ZFHX3: variants seen among roughly 807,000 people sequenced by gnomAD.
ZFHX3 encodes the protein zinc finger homeobox 3.
Under a neutral mutation model 279.1 loss-of-function variants are expected in ZFHX3, and 42 were observed. That is an observed-to-expected ratio of 0.15 (90% CI 0.12 to 0.19). ZFHX3 has a LOEUF of 0.19. Among genes scored for constraint, ZFHX3 ranks in the 10% least tolerant of loss-of-function variants. ZFHX3 has a pLI of 1.00. For synonymous variants in ZFHX3, 2,293 were observed against 1,957.8 expected (o/e 1.17, Z -4.52); for missense variants, 4,981 against 4,754.0 (o/e 1.05, Z -1.40).
intron 4 of ZFHX3, among the ~76,000 whole-genome samples, chr16:73,316,754 C>A (rs62057260): frequency 0.063 from 9,566 of 152,196 alleles, 405 homozygotes; most frequent in Non-Finnish European, 0.095. Context: ...ATACTTAGGC[C>A]TTCACATTCA....
chr16:73,111,374 G>C (rs1163420596), intron 7 of ZFHX3, among the ~76,000 whole-genome samples: 1 of 152,174 alleles, frequency 6.6e-6, no homozygotes, highest in Non-Finnish European at 1.5e-5. Flanking sequence ...TGCCAGCTTA[G>C]GGGAAGCAGC....
chr16:72,954,593 T>C (rs1220604380), intron 2 of ZFHX3, among the ~76,000 whole-genome samples: 1 of 152,170 alleles, frequency 6.6e-6, no homozygotes, highest in Non-Finnish European at 1.5e-5. Context: ...TGCTAAACCT[T>C]GTGCAGGTGT....
intron 2 of ZFHX3, among the ~76,000 whole-genome samples, chr16:73,613,534 G>A (rs2052268778): frequency 6.6e-6 from 1 of 151,956 alleles, no homozygotes. Flanking sequence ...GTTTCTAGAA[G>A]CAGGATGGTT....
At chr16:73,179,825 G>A (rs554455649) in intron 5 of ZFHX3, among the ~76,000 whole-genome samples, 10 of 152,234 alleles carry the variant, frequency 6.6e-5, no homozygotes, top group African/African-American at 1.4e-4. Context: ...GGGTTGCGCC[G>A]TGACTGGTTA....
intron 3 of ZFHX3, among the ~76,000 whole-genome samples, chr16:73,343,101 T>C (rs1597293035): frequency 6.6e-6 from 1 of 152,256 alleles, no homozygotes; most frequent in African/African-American, 2.4e-5. Context: ...GCTAGGTATC[T>C]AGTTTCTTTT....
chr16:73,230,212 T>C (rs577573724), intron 5 of ZFHX3, among the ~76,000 whole-genome samples: 1 of 152,290 alleles, frequency 6.6e-6, no homozygotes, highest in African/African-American at 2.4e-5. Context: ...TGCTAGAGAT[T>C]GATGAATGCA....
intron 5 of ZFHX3, among the ~76,000 whole-genome samples, chr16:73,151,751 T>A (rs538205322): frequency 3.9e-5 from 6 of 152,076 alleles, no homozygotes; most frequent in Admixed American, 1.3e-4. Context: ...TATTCCAATC[T>A]CCATGGGTTC....
chr16:73,631,898 TTCTCTC>T (rs139812596), intron 2 of ZFHX3, among the ~76,000 whole-genome samples: 86 of 130,320 alleles, frequency 6.6e-4, no homozygotes, highest in Middle Eastern at 3.6e-3. Flanking sequence ...TAGAGTGGGA[TTCTCTC>T]TCTCTCTCTC....
At chr16:73,847,044 G>A (rs1417028952) in intron 1 of ZFHX3, among the ~76,000 whole-genome samples, 8 of 152,188 alleles carry the variant, frequency 5.3e-5, no homozygotes, top group Non-Finnish European at 5.9e-5. Flanking sequence ...GCTCACGCCT[G>A]TAATCCCAAC....
chr16:73,882,761 T>C (rs1026013445), intron 1 of ZFHX3, among the ~76,000 whole-genome samples: 3 of 152,152 alleles, frequency 2.0e-5, no homozygotes, highest in African/African-American at 7.2e-5. Flanking sequence ...TTTTTTAAGC[T>C]TCTTGGGTGC....
intron 4 of ZFHX3, among the ~76,000 whole-genome samples, chr16:72,882,093 C>T (rs777741695): frequency 6.6e-6 from 1 of 151,874 alleles, no homozygotes. Context: ...CCGCCCAATG[C>T]TCACCCCTCA....
chr16:73,778,557 C>T (rs528683883), intron 1 of ZFHX3, among the ~76,000 whole-genome samples: 2 of 152,296 alleles, frequency 1.3e-5, no homozygotes, highest in East Asian at 3.9e-4. Flanking sequence ...TAACTATTTT[C>T]CAAAGTCAGA....
intron 1 of ZFHX3, among the ~76,000 whole-genome samples, chr16:73,780,554 T>C (rs1175223616): frequency 6.6e-6 from 1 of 151,594 alleles, no homozygotes; most frequent in Non-Finnish European, 1.5e-5. Flanking sequence ...GCATTTCTTG[T>C]GCCTCTGCCT....
intron 7 of ZFHX3, among the ~76,000 whole-genome samples, chr16:73,104,161 G>C (rs1480691781): frequency 2.0e-5 from 3 of 152,150 alleles, no homozygotes; most frequent in Admixed American, 2.0e-4. Flanking sequence ...CAATCATCCA[G>C]TAACTGAATA....
chr16:72,952,917 G>A (rs938573521), intron 2 of ZFHX3, among the ~76,000 whole-genome samples: 2 of 152,202 alleles, frequency 1.3e-5, no homozygotes. Flanking sequence ...GAGCTATTAG[G>A]TCTGCCCCAC....
At chr16:73,726,553 A>G (rs1336398047) in intron 1 of ZFHX3, among the ~76,000 whole-genome samples, 1 of 152,174 alleles carries the variant, frequency 6.6e-6, no homozygotes, top group Non-Finnish European at 1.5e-5. Context: ...AGTAATTTAT[A>G]AAGGAAAGAG....
At chr16:73,318,308 G>T (rs1014096387) in exon 4 of ZFHX3, 15 of 152,094 alleles carry the variant, frequency 9.9e-5, no homozygotes, top group Non-Finnish European at 7.3e-5. Flanking sequence ...TTCTCGGCCC[G>T]ACCTCTTCCC....
intron 1 of ZFHX3, among the ~76,000 whole-genome samples, chr16:73,033,664 TTC>T (rs1402981922): frequency 6.6e-6 from 1 of 152,166 alleles, no homozygotes; most frequent in African/African-American, 2.4e-5. Flanking sequence ...CACAGTTTTT[TTC>T]CTGCCTGCCA....
intron 3 of ZFHX3, among the ~76,000 whole-genome samples, chr16:72,934,747 C>A (rs1960022378): frequency 2.0e-5 from 3 of 152,172 alleles, no homozygotes; most frequent in Non-Finnish European, 2.9e-5. Flanking sequence ...CACAGTAATA[C>A]AGTTTCTTAA....
Sources: gnomAD v4.1 joint callset for allele counts (sites outside exome capture counted in the v4.1 genomes callset) on GRCh38, gnomAD v4.1.1 for gene constraint, MANE v1.5 for transcripts, NCBI Gene and HGNC (gene_info 2026-07-23, HGNC 2026-07-21) for gene names.